NCEH1: variants seen among roughly 807,000 people sequenced by gnomAD.
The protein encoded by NCEH1 is 2-acetyl MAGE hydrolase.
Under a neutral mutation model 25.4 loss-of-function variants are expected in NCEH1, and 9 were observed. The ratio of observed to expected loss-of-function variants is 0.35; its 90% CI spans 0.21 to 0.62. NCEH1 has a LOEUF of 0.62. Ranked by LOEUF, NCEH1 falls within the 20% of genes least tolerant of loss-of-function variation. The pLI is 0.72. For synonymous variants in NCEH1, 200 were observed against 199.8 expected (o/e 1.00, Z -0.01); for missense variants, 412 against 501.1 (o/e 0.82, Z 1.70).
intron 1 of NCEH1, among the ~76,000 whole-genome samples, chr3:172,650,459 T>C (rs1369272891): frequency 2.7e-5 from 4 of 150,508 alleles, no homozygotes; most frequent in African/African-American, 7.3e-5. Flanking sequence ...CTGGCTAACA[T>C]GGTGAAACCC....
At chr3:172,682,985 A>C (rs966800752) in intron 1 of NCEH1, among the ~76,000 whole-genome samples, 1 of 152,218 alleles carries the variant, frequency 6.6e-6, no homozygotes, top group African/African-American at 2.4e-5. Flanking sequence ...ACCAGCTAAG[A>C]AGTAGAAAGG....
intron 1 of NCEH1, among the ~76,000 whole-genome samples, chr3:172,679,394 C>T (rs1041258866): frequency 6.6e-5 from 10 of 152,236 alleles, no homozygotes; most frequent in East Asian, 1.9e-4. Flanking sequence ...CCTAATTAGA[C>T]GGGGAGGAAA....
intron 1 of NCEH1, among the ~76,000 whole-genome samples, chr3:172,654,387 T>C (rs1421231840): frequency 2.0e-5 from 3 of 152,240 alleles, no homozygotes; most frequent in African/African-American, 7.2e-5. Context: ...AAGCCCTTTA[T>C]GAGTCAGTTA....
At chr3:172,707,654 C>T (rs1417569444) in intron 1 of NCEH1, among the ~76,000 whole-genome samples, 2 of 152,106 alleles carry the variant, frequency 1.3e-5, no homozygotes, top group African/African-American at 4.8e-5. Context: ...GGCCTGATCT[C>T]GGCCCACTGC....
At chr3:172,678,640 A>G (rs1472305716) in intron 1 of NCEH1, among the ~76,000 whole-genome samples, 1 of 152,212 alleles carries the variant, frequency 6.6e-6, no homozygotes, top group Non-Finnish European at 1.5e-5. Flanking sequence ...ACTCCACCAC[A>G]AGGAAAAGGG....
intron 1 of NCEH1, among the ~76,000 whole-genome samples, chr3:172,677,239 A>G (rs1224410637): frequency 6.6e-6 from 1 of 152,240 alleles, no homozygotes; most frequent in Non-Finnish European, 1.5e-5. Context: ...TCTGCTTTTT[A>G]CAAAGTGCAG....
intron 1 of NCEH1, chr3:172,680,815 A>G (rs1034144317): frequency 6.6e-6 from 1 of 152,252 alleles, no homozygotes; most frequent in African/African-American, 2.4e-5. Context: ...ACAGCACAGC[A>G]GAGTGGTCAG....
At chr3:172,670,768 T>C (rs1007231347) in intron 1 of NCEH1, among the ~76,000 whole-genome samples, 1 of 152,226 alleles carries the variant, frequency 6.6e-6, no homozygotes, top group African/African-American at 2.4e-5. Flanking sequence ...TTCACAAATA[T>C]ATTTTATAAA....
intron 1 of NCEH1, among the ~76,000 whole-genome samples, chr3:172,671,134 G>A (rs901623231): frequency 7.2e-5 from 11 of 152,178 alleles, no homozygotes; most frequent in African/African-American, 2.2e-4. Flanking sequence ...ATCTTAGCAA[G>A]CAGCTTCTCA....
intron 1 of NCEH1, among the ~76,000 whole-genome samples, chr3:172,676,884 G>A (rs542411992): frequency 2.0e-4 from 31 of 151,782 alleles, no homozygotes; most frequent in Non-Finnish European, 3.5e-4. Context: ...TCACATCTCT[G>A]TTACCTCCCA....
rs906336776 is a variant in NCEH1 at position 172,632,431 on chromosome 3, TA to T, written c.*1043del. 8.5e-5 allele frequency: 13 copies of T among 152,426 alleles called. No homozygotes were observed. The highest frequency in any genetic ancestry group is 2.4e-4 in the African/African-American group (10 of 41,410). 9.4% of individuals were successfully genotyped at this position (152,426 alleles called of 1,614,324 possible). A position where few individuals can be genotyped will look rare whatever the true frequency, so the allele number is the denominator to read the frequency against. The stretch of plus-strand genomic sequence containing the variant: ...CTATGTATATTAACATTAAATAACT[TA>T]AAAAAATAAACAATACATTATATTG... On this transcript the variant is annotated 3_prime_UTR_variant, in exon 5 of 5. Coordinates refer to ENST00000475381, the MANE Select transcript of NCEH1 (RefSeq NM_020792.6).
intron 1 of NCEH1, among the ~76,000 whole-genome samples, chr3:172,696,587 C>CA (rs1560207812): frequency 1.3e-5 from 2 of 152,180 alleles, no homozygotes; most frequent in African/African-American, 4.8e-5. Context: ...GATCAGTAAA[C>CA]AAACCCTTGG....
chr3:172,691,526 A>G (rs1206650727), intron 1 of NCEH1, among the ~76,000 whole-genome samples: 1 of 152,312 alleles, frequency 6.6e-6, no homozygotes, highest in Non-Finnish European at 1.5e-5. Context: ...GGAGTTGTGC[A>G]CACAGTGGGG....
chr3:172,655,702 TCTCTA>T (rs1717658739), intron 1 of NCEH1, among the ~76,000 whole-genome samples: 1 of 152,312 alleles, frequency 6.6e-6, no homozygotes, highest in African/African-American at 2.4e-5. Context: ...GAGGCCTGGA[TCTCTA>T]CTCCAACCCA....
intron 1 of NCEH1, among the ~76,000 whole-genome samples, chr3:172,706,848 G>T (rs533189871): frequency 6.6e-6 from 1 of 152,048 alleles, no homozygotes; most frequent in Non-Finnish European, 1.5e-5. Context: ...AAGATTGCTC[G>T]ATTTTACTTC....
At chr3:172,683,675 C>G (rs1178033318) in intron 1 of NCEH1, among the ~76,000 whole-genome samples, 3 of 152,074 alleles carry the variant, frequency 2.0e-5, no homozygotes, top group African/African-American at 7.2e-5. Context: ...GAGACCCTGT[C>G]TCAAAAAACA....
At chr3:172,708,578 C>G (rs956378628) in intron 1 of NCEH1, among the ~76,000 whole-genome samples, 1 of 152,110 alleles carries the variant, frequency 6.6e-6, no homozygotes, top group Admixed American at 6.5e-5. Flanking sequence ...CTGCTGGTCT[C>G]GAACTCCTGA....
intron 1 of NCEH1, among the ~76,000 whole-genome samples, chr3:172,667,571 C>T (rs985389026): frequency 2.0e-5 from 3 of 152,118 alleles, no homozygotes; most frequent in Admixed American, 6.6e-5. Flanking sequence ...CAACCATGGG[C>T]GGCATATTTA....
intron 1 of NCEH1, among the ~76,000 whole-genome samples, chr3:172,674,624 A>C (rs996112604): frequency 1.3e-5 from 2 of 152,172 alleles, no homozygotes; most frequent in Non-Finnish European, 2.9e-5. Flanking sequence ...TTGCATTTGT[A>C]ACTTTGTAAA....
Sources: allele counts gnomAD v4.1 joint callset (sites outside exome capture counted in the v4.1 genomes callset), GRCh38; gene constraint gnomAD v4.1.1; transcripts MANE v1.5; gene names NCBI Gene and HGNC (gene_info 2026-07-23, HGNC 2026-07-21).